Variants in PLEKHA5 observed in about 807,000 individuals in gnomAD.
The protein encoded by PLEKHA5 is pleckstrin homology domain-containing family A member 5.
Under a neutral mutation model 181.9 loss-of-function variants are expected in PLEKHA5, and 55 were observed. The ratio of observed to expected loss-of-function variants is 0.30; its 90% CI spans 0.24 to 0.38. The LOEUF (loss-of-function observed/expected upper bound fraction) is 0.38. Ranked by LOEUF, PLEKHA5 falls within the 10% of genes least tolerant of loss-of-function variation. PLEKHA5 has a pLI of 1.00. For synonymous variants in PLEKHA5, 535 were observed against 529.4 expected (o/e 1.01, Z -0.15); for missense variants, 1,432 against 1,549.5 (o/e 0.92, Z 1.27).
chr12:19,200,219 A>G (rs2053878819), intron 3 of PLEKHA5: 1 of 738,804 alleles, frequency 1.4e-6, no homozygotes, highest in South Asian at 1.8e-5. Flanking sequence ...CTTTCCATGC[A>G]GCAACAAAAG....
At chr12:19,334,489 A>G (rs950726933) in intron 20 of PLEKHA5, among the ~76,000 whole-genome samples, 4 of 152,078 alleles carry the variant, frequency 2.6e-5, no homozygotes, top group African/African-American at 9.7e-5. Context: ...TGAACTCTGC[A>G]TTTCCACAAG....
At chr12:19,341,774 C>T (rs2093949198) in intron 21 of PLEKHA5, among the ~76,000 whole-genome samples, 1 of 151,796 alleles carries the variant, frequency 6.6e-6, no homozygotes, top group Non-Finnish European at 1.5e-5. Flanking sequence ...ACTCTGTCAC[C>T]TAGGCTGGAG....
At chr12:19,313,636 G>A (rs929882910) in intron 15 of PLEKHA5, among the ~76,000 whole-genome samples, 2 of 151,726 alleles carry the variant, frequency 1.3e-5, no homozygotes, top group Non-Finnish European at 2.9e-5. Context: ...AAAAGCAGTT[G>A]TAGGCACAGA....
intron 15 of PLEKHA5, among the ~76,000 whole-genome samples, chr12:19,308,735 T>A (rs1348984165): frequency 6.6e-6 from 1 of 152,076 alleles, no homozygotes; most frequent in Non-Finnish European, 1.5e-5. Context: ...CATAGTTCCA[T>A]CTGGAAATGA....
rs936058188 is a variant in PLEKHA5 at position 19,279,713 on chromosome 12, C to G, written c.1314-3567C>G. Among the ~76,000 whole-genome samples the G allele has an allele frequency of 2.6e-5, 4 of 151,724 alleles. No individual in the cohort carries two copies. In the South Asian group the frequency reaches 8.3e-4, roughly 32 times the overall value. ...TATAAAATCTCTTGGTCTTTTCTCC[C>G]CTACTCCCCTACCCTGCCCCCAATA... On this transcript the variant is annotated intron_variant, in intron 11 of 31. Coordinates refer to ENST00000429027, the MANE Select transcript of PLEKHA5 (RefSeq NM_001256470.2).
intron 3 of PLEKHA5, chr12:19,151,319 C>A (rs2040333250): frequency 1.3e-5 from 2 of 152,082 alleles, no homozygotes; most frequent in African/African-American, 4.8e-5. Context: ...TAGACTAGGT[C>A]AGGGATGGAA....
chr12:19,217,612 C>T (rs2058195739), intron 3 of PLEKHA5, among the ~76,000 whole-genome samples: 2 of 152,144 alleles, frequency 1.3e-5, no homozygotes, highest in African/African-American at 4.8e-5. Context: ...GGAAAATTCT[C>T]CCTGGGTCAG....
chr12:19,267,106 A>G (rs944948321), intron 8 of PLEKHA5, among the ~76,000 whole-genome samples: 21 of 152,256 alleles, frequency 1.4e-4, no homozygotes, highest in African/African-American at 5.1e-4. Flanking sequence ...TTTGTTTTCA[A>G]AAATCATTCT....
chr12:19,271,459 G>T (rs1026962109), intron 10 of PLEKHA5, among the ~76,000 whole-genome samples: 6 of 152,116 alleles, frequency 3.9e-5, no homozygotes, highest in African/African-American at 1.4e-4. Context: ...AGCTGTGACT[G>T]TGCCACTGCA....
intron 3 of PLEKHA5, among the ~76,000 whole-genome samples, chr12:19,218,662 G>T (rs1192607258): frequency 6.6e-6 from 1 of 151,986 alleles, no homozygotes; most frequent in Non-Finnish European, 1.5e-5. Context: ...AAAGTTGTAT[G>T]ATTGATTTTT....
chr12:19,190,785 A>G (rs11044447), intron 3 of PLEKHA5, among the ~76,000 whole-genome samples: 114,140 of 152,102 alleles, frequency 0.75, 45,656 homozygotes, highest in Non-Finnish European at 0.9. Flanking sequence ...AGACTTTCCT[A>G]TTCTCAGCCC....
At chr12:19,185,346 C>G (rs1473056109) in intron 3 of PLEKHA5, among the ~76,000 whole-genome samples, 1 of 152,232 alleles carries the variant, frequency 6.6e-6, no homozygotes, top group East Asian at 1.9e-4. Context: ...ATTATGTAAG[C>G]TGGACCAGTA....
At chr12:19,251,765 T>C (rs1292349918) in intron 3 of PLEKHA5, among the ~76,000 whole-genome samples, 1 of 130,842 alleles carries the variant, frequency 7.6e-6, no homozygotes, top group Non-Finnish European at 1.7e-5. Flanking sequence ...AAAAAAAAAC[T>C]TGTGAAATGC....
intron 3 of PLEKHA5, among the ~76,000 whole-genome samples, chr12:19,183,841 G>A (rs2049186115): frequency 6.6e-6 from 1 of 152,118 alleles, no homozygotes; most frequent in Non-Finnish European, 1.5e-5. Context: ...AGCCTCCCGA[G>A]TAGGTGGGAC....
intron 3 of PLEKHA5, among the ~76,000 whole-genome samples, chr12:19,223,780 A>C (rs559510091): frequency 6.6e-6 from 1 of 152,280 alleles, no homozygotes; most frequent in East Asian, 1.9e-4. Context: ...AGCTCAGTTA[A>C]TGGGGTCAAG....
intron 24 of PLEKHA5, among the ~76,000 whole-genome samples, chr12:19,347,650 C>T (rs1379130572): frequency 6.6e-6 from 1 of 151,746 alleles, no homozygotes; most frequent in African/African-American, 2.4e-5. Flanking sequence ...ATGGGAAATA[C>T]GTTTAGGGTT....
intron 3 of PLEKHA5, among the ~76,000 whole-genome samples, chr12:19,167,405 ATTTTTTTTTTTT>A (rs56086557): frequency 5.9e-4 from 54 of 91,230 alleles, no homozygotes; most frequent in Middle Eastern, 0.011. Context: ...CTGAGGCTTA[ATTTTTTTTTTTT>A]TTTTTTTTTT....
intron 21 of PLEKHA5, among the ~76,000 whole-genome samples, chr12:19,337,132 C>G (rs2093494148): frequency 6.6e-6 from 1 of 151,722 alleles, no homozygotes; most frequent in Non-Finnish European, 1.5e-5. Context: ...GGATCACAGG[C>G]ATGCACCACC....
chr12:19,268,421 A>C (rs945062332), intron 8 of PLEKHA5, among the ~76,000 whole-genome samples: 1 of 152,182 alleles, frequency 6.6e-6, no homozygotes, highest in Non-Finnish European at 1.5e-5. Context: ...TGTTAAGTAT[A>C]TTTTCTCTGC....
Sources: allele counts gnomAD v4.1 joint callset (sites outside exome capture counted in the v4.1 genomes callset), GRCh38; gene constraint gnomAD v4.1.1; transcripts MANE v1.5; gene names NCBI Gene and HGNC (gene_info 2026-07-23, HGNC 2026-07-21).